The following PACSIN3 variants were observed in gnomAD, a reference collection of about 807,000 sequenced individuals.
PACSIN3 encodes protein kinase C and casein kinase substrate in neurons protein 3.
In PACSIN3, 34 loss-of-function variants were observed where a neutral mutation model predicts 56.1. The observed-to-expected ratio is 0.61, with a 90% CI of 0.46 to 0.81. The LOEUF (loss-of-function observed/expected upper bound fraction) is 0.81, where lower values mean the gene tolerates loss of function less well. Ranked by LOEUF, PACSIN3 falls within the 30% of genes least tolerant of loss-of-function variation. The pLI is 0.00. For missense variants in PACSIN3, 535 were observed against 592.4 expected (o/e 0.90, Z 1.01); for synonymous variants, 218 against 229.8 (o/e 0.95, Z 0.46).
Position 47,178,147 on chromosome 11 carries a change from G to T in PACSIN3, c.1160-101C>A. On this transcript the variant is annotated intron_variant, in intron 10 of 10. Transcript: ENST00000298838. The surrounding 1 kb of genome is among the most constrained non-coding windows in gnomAD (Gnocchi z 4.2). ...GGGGATGGTGTGGTCCCAGAGCCCA[G>T]CTAGCAAAGACATGGCTCAGGCAGA... The T allele has an allele frequency of 8.1e-7, 1 of 1,233,612 alleles. No homozygotes were observed. The highest frequency in any genetic ancestry group is 1.2e-6 in the Non-Finnish European group (1 of 867,694). The allele number at this position is 1,233,612 out of a possible 1,614,324, so 76.4% of individuals were successfully genotyped here.
chr11:47,182,843 G>T, intron 2 of PACSIN3, 79 bp from the exon 3 acceptor site: 1 of 1,110,006 alleles, frequency 9.0e-7, no homozygotes, highest in Non-Finnish European at 1.3e-6. Flanking sequence ...CTATACCTGG[G>T]CCTCGCCCCA....
chr11:47,180,696 G>A lies in PACSIN3; in HGVS notation c.212-6C>T. The A allele has an allele frequency of 6.3e-7, 1 of 1,589,412 alleles. No individual in the cohort carries two copies. Among genetic ancestry groups the A allele is most frequent in the African/African-American group, 1.3e-5 (1 of 74,840 alleles). ...CAGTGTGCCATACTGGGGGCCTGCA[G>A]GGAGGGACAGGGCTTAGGCCAGGCC... On this transcript the variant is annotated splice_polypyrimidine_tract_variant and splice_region_variant and intron_variant, in intron 4 of 10. Transcript: ENST00000298838.
Position 47,179,662 on chromosome 11 carries a change from T to C in PACSIN3, c.604-76A>G. 2 of 1,443,844 alleles carry C rather than the reference T, an allele frequency of 1.4e-6. No homozygotes were observed. Among genetic ancestry groups the C allele is most frequent in the Non-Finnish European group, 9.4e-7 (1 of 1,059,932 alleles). 89.4% of individuals were successfully genotyped at this position (1,443,844 alleles called of 1,614,324 possible). On this transcript the variant is annotated intron_variant, in intron 6 of 10. Coordinates refer to ENST00000298838, the MANE Select transcript of PACSIN3 (RefSeq NM_016223.5). This position sits in a 1 kb window ranked among gnomAD's most constrained non-coding sequence, Gnocchi z 4.4. ...GACTCCACCAGTGTTTACCAGACAC[T>C]GCCATAGGCTGCTAGACCCAGGGCT... is the stretch of plus-strand genomic sequence containing the variant.
intron 1 of PACSIN3, chr11:47,185,634 A>C (rs1405433694): frequency 6.5e-6 from 1 of 152,906 alleles, no homozygotes; most frequent in Non-Finnish European, 1.5e-5. Flanking sequence ...CACTTTTGGA[A>C]ACCCGACCTG....
Position 47,178,473 on chromosome 11 carries a change from T to G in PACSIN3, c.1052A>C (p.Glu351Ala). ...SPGSPGTGQD[E>A]EWSDEESPRK... ...GGGACTCTCTTCATCTGACCACTCC[T>G]CATCCTGCCCCGTGCTGGAGAGGGG... The change falls in exon 10 of 11, where the codon GAG becomes GCG. Residue 351 changes from glutamate to alanine, a missense_variant. Physicochemically the swap from Glu to Ala is moderately radical, Grantham distance 107 (BLOSUM62 -1). Transcript: ENST00000298838. This position sits in a 1 kb window ranked among gnomAD's most constrained non-coding sequence, Gnocchi z 4.2. 1 of 1,613,744 alleles carries G rather than the reference T, an allele frequency of 6.2e-7. No individual in the cohort carries two copies. Among genetic ancestry groups the G allele is most frequent in the Non-Finnish European group, 8.5e-7 (1 of 1,179,980 alleles).
chr11:47,180,602 C>A lies in PACSIN3; in HGVS notation c.300G>T (p.Glu100Asp). The change falls in exon 5 of 11, where the codon GAG becomes GAT. Residue 100 changes from glutamate (E) to aspartate (D), a missense_variant. Coordinates refer to ENST00000298838, the MANE Select transcript of PACSIN3 (RefSeq NM_016223.5). ...RLSALHLEVR[E>D]KLQGQDSERV... ...GCTCACTGTCCTGCCCTTGCAGCTT[C>A]TCCCGCACCTCCAGGTGCAGCGCGC... 6.2e-7 allele frequency: 1 copy of A among 1,605,180 alleles called. No homozygotes were observed. The highest frequency in any genetic ancestry group is 8.5e-7 in the Non-Finnish European group (1 of 1,179,900).
chr11:47,180,287 G>A lies in PACSIN3; in HGVS notation c.502C>T (p.Gln168Ter). The A allele has an allele frequency of 6.2e-7, 1 of 1,603,210 alleles. No individual in the cohort carries two copies. The highest frequency in any genetic ancestry group is 8.5e-7 in the Non-Finnish European group (1 of 1,179,958). The stretch of plus-strand genomic sequence containing the variant: ...GCCTTTGCGTGGCTCTCCCTCGTCT[G>A]GGCGGTCTTCTCATCCTTCCGGGCT... The part of the protein sequence containing the change: ...HAARKDEKTA[Q>*]TRESHAKADS... The change falls in exon 6 of 11, where the codon CAG becomes TAG. Residue 168 changes from glutamine (Q) to a stop codon, truncating the protein, a stop_gained. Transcript: ENST00000298838. LOFTEE classifies it high-confidence loss of function.
At chr11:47,183,953 C>A (rs1305593925) in intron 1 of PACSIN3, among the ~76,000 whole-genome samples, 1 of 150,900 alleles carries the variant, frequency 6.6e-6, no homozygotes, top group Admixed American at 6.6e-5. Context: ...ACCTAGGAGG[C>A]GGAGGAGGTT....
Position 47,178,225 on chromosome 11 carries a change from A to G in PACSIN3, c.1159+141T>C, listed in dbSNP as rs1350812134. The stretch of plus-strand genomic sequence containing the variant: ...ACCCCAGACCCTGAATGCAGCCACC[A>G]GGCACCAGCTATCTGGACCTGGAAC... On this transcript the variant is annotated intron_variant, in intron 10 of 10. Coordinates refer to ENST00000298838, the MANE Select transcript of PACSIN3 (RefSeq NM_016223.5). This position sits in a 1 kb window ranked among gnomAD's most constrained non-coding sequence, Gnocchi z 4.2. 2 of 1,278,354 alleles carry G rather than the reference A, an allele frequency of 1.6e-6. No homozygotes were observed. Among genetic ancestry groups the G allele is most frequent in the Non-Finnish European group, 2.2e-6 (2 of 905,990 alleles). 79.2% of individuals were successfully genotyped at this position (1,278,354 alleles called of 1,614,324 possible).
Position 47,178,895 on chromosome 11 carries a change from C to T in PACSIN3, c.1036G>A (p.Gly346Ser). 1.2e-6 allele frequency: 2 copies of T among 1,613,826 alleles called. No individual in the cohort carries two copies. Among genetic ancestry groups the T allele is most frequent in the Non-Finnish European group, 1.7e-6 (2 of 1,179,962 alleles). ...CACAGCCGCGCTCCTGGCTCTCACC[C>T]TGGGGACCCCGGGGACTGGGGTGGG... ...APPPQSPGSP[G>S]TGQDEEWSDE... The change falls in exon 9 of 11, where the codon GGC (glycine) becomes AGC (serine). Residue 346 changes from glycine (G) to serine (S), a missense_variant and splice_region_variant. By Grantham distance (56) the Gly-to-Ser change is moderately conservative. Coordinates refer to ENST00000298838, the MANE Select transcript of PACSIN3 (RefSeq NM_016223.5). The surrounding 1 kb of genome is among the most constrained non-coding windows in gnomAD (Gnocchi z 4.2).
At chr11:47,181,248 C>T (rs1008663657) in intron 4 of PACSIN3, among the ~76,000 whole-genome samples, 4 of 147,630 alleles carry the variant, frequency 2.7e-5, no homozygotes, top group African/African-American at 5.3e-5. Flanking sequence ...GGTGACAGAG[C>T]GAGACTCTAT....
At chr11:47,183,475 A>AGGAGGCCCCAGCTCCCTCTT (rs1953067327) in intron 1 of PACSIN3, among the ~76,000 whole-genome samples, 1 of 152,238 alleles carries the variant, frequency 6.6e-6, no homozygotes, top group Non-Finnish European at 1.5e-5. Context: ...TCTCCTCCTA[A>AGGAGGCCCCAGCTCCCTCTT]GGAGGCCCCA....
At chr11:47,182,822 A>G in intron 2 of PACSIN3, 58 bp from the exon 3 acceptor site, 4 of 1,355,242 alleles carry the variant, frequency 3.0e-6, no homozygotes, top group Non-Finnish European at 4.1e-6. Flanking sequence ...GGGGATAGGA[A>G]AAGACCCTCT....
chr11:47,182,080 AG>A (rs1953035473), intron 4 of PACSIN3, among the ~76,000 whole-genome samples: 1 of 150,162 alleles, frequency 6.7e-6, no homozygotes, highest in Non-Finnish European at 1.5e-5. Flanking sequence ...TGAGAGGCGG[AG>A]GTTGCAGTGA....
Position 47,180,171 on chromosome 11 carries a change from A to C in PACSIN3, c.603+15T>G. 3.1e-6 allele frequency: 5 copies of C among 1,599,632 alleles called. No individual in the cohort carries two copies. Among genetic ancestry groups the C allele is most frequent in the Non-Finnish European group, 4.2e-6 (5 of 1,178,464 alleles). On this transcript the variant is annotated intron_variant, in intron 6 of 10. Transcript: ENST00000298838. ...GCCCTGGGCGGGGGCCAGGGCTGGG[A>C]CCTGTGGCCTGTACCTTCTCGGCCT... is the stretch of plus-strand genomic sequence containing the variant.
chr11:47,184,037 T>C (rs914673883), intron 1 of PACSIN3, among the ~76,000 whole-genome samples: 10 of 146,798 alleles, frequency 6.8e-5, no homozygotes, highest in Admixed American at 2.7e-4. Flanking sequence ...AAAAGTTCCC[T>C]AGAATCGCAG....
chr11:47,179,155 A>G lies in PACSIN3; in HGVS notation c.900+4T>C. The stretch of plus-strand genomic sequence containing the variant: ...CCCATCCCCACCCCGCCTGGAACAC[A>G]TGCCTCGAACTGTGGCCAGTTCATG... On this transcript the variant is annotated splice_donor_region_variant and intron_variant, in intron 8 of 10. Transcript: ENST00000298838. This position sits in a 1 kb window ranked among gnomAD's most constrained non-coding sequence, Gnocchi z 4.4. The G allele has an allele frequency of 1.9e-6, 3 of 1,613,614 alleles. No individual in the cohort carries two copies. Among genetic ancestry groups the G allele is most frequent in the Non-Finnish European group, 2.5e-6 (3 of 1,179,948 alleles).
Position 47,179,794 on chromosome 11 carries a change from G to C in PACSIN3, c.604-208C>G. 1 of 583,378 alleles carries C rather than the reference G, an allele frequency of 1.7e-6. No individual in the cohort carries two copies. The highest frequency in any genetic ancestry group is 3.0e-6 in the Non-Finnish European group (1 of 330,518). 36.1% of individuals were successfully genotyped at this position (583,378 alleles called of 1,614,324 possible). On this transcript the variant is annotated intron_variant, in intron 6 of 10. Transcript: ENST00000298838. The surrounding 1 kb of genome is among the most constrained non-coding windows in gnomAD (Gnocchi z 4.4). ...CACAGCATATAAAAGAGTCTGGTGA[G>C]GATTGAAATGAGGTCAACCTACAGG...
intron 1 of PACSIN3, chr11:47,184,385 G>A (rs1448237092): frequency 2.0e-5 from 3 of 152,316 alleles, no homozygotes; most frequent in East Asian, 3.8e-4. Flanking sequence ...CTGTAGCCCC[G>A]GGTGACCCTT....
Sources: allele counts gnomAD v4.1 joint callset (sites outside exome capture counted in the v4.1 genomes callset), GRCh38; gene constraint gnomAD v4.1.1; non-coding constraint Gnocchi (gnomAD v3.1); transcripts MANE v1.5; gene names NCBI Gene and HGNC (gene_info 2026-07-23, HGNC 2026-07-21).